CLSPN: variants seen among roughly 807,000 people sequenced by gnomAD.
CLSPN encodes claspin.
In CLSPN, 85 loss-of-function variants were observed where a neutral mutation model predicts 156.3. That is an observed-to-expected ratio of 0.54 (90% CI 0.46 to 0.65). The LOEUF is 0.65. Ranked by LOEUF, CLSPN falls within the 30% of genes least tolerant of loss-of-function variation. The pLI is 0.00. For missense variants in CLSPN, 1,407 were observed against 1,554.9 expected (o/e 0.90, Z 1.60); for synonymous variants, 534 against 542.4 (o/e 0.98, Z 0.22).
intron 8 of CLSPN, among the ~76,000 whole-genome samples, chr1:35,758,179 T>C (rs796582661): frequency 2.0e-5 from 3 of 152,094 alleles, no homozygotes; most frequent in African/African-American, 7.2e-5. Context: ...TTGTGTTTTT[T>C]TTTTTTTTAT....
intron 9 of CLSPN, among the ~76,000 whole-genome samples, chr1:35,751,872 C>T (rs538798819): frequency 2.2e-4 from 34 of 152,090 alleles, no homozygotes; most frequent in Non-Finnish European, 4.6e-4. Context: ...TATGAACTGG[C>T]AGTTCACGAA....
At chr1:35,723,561 A>C (rs1232136227) in intron 24 of CLSPN, among the ~76,000 whole-genome samples, 1 of 152,242 alleles carries the variant, frequency 6.6e-6, no homozygotes, top group African/African-American at 2.4e-5. Context: ...TCAGCTTCAA[A>C]GACCTTGTCC....
At position 35,761,100 on chromosome 1, in the gene CLSPN, A is replaced by G. The variant is rs1243562834; in HGVS notation, c.1000T>C (p.Leu334=). 2.5e-6 allele frequency: 4 copies of G among 1,597,966 alleles called. No homozygotes were observed. The highest frequency in any genetic ancestry group is 1.7e-4 in the Middle Eastern group (1 of 6,036). Residue 334 remains leucine, a synonymous_variant, in exon 7 of 25, where the codon TTG becomes CTG. Transcript: ENST00000318121. The part of the protein sequence containing the change: ...PTCHGNAMAL[L]KSSKYQSSHH... ...ATAAGGAAAGAGGGTTCTTACTTCA[A>G]TAGTGCCATGGCATTTCCGTGGCAA...
intron 8 of CLSPN, among the ~76,000 whole-genome samples, chr1:35,756,085 G>A (rs1642263746): frequency 6.6e-6 from 1 of 152,008 alleles, no homozygotes; most frequent in Admixed American, 6.6e-5. Flanking sequence ...GGTCTTACTA[G>A]AAAAAGAGAA....
chr1:35,726,492 C>T (rs1224925294), intron 24 of CLSPN, among the ~76,000 whole-genome samples: 2 of 152,102 alleles, frequency 1.3e-5, no homozygotes, highest in African/African-American at 4.8e-5. Context: ...GGTGGGGGTG[C>T]GGTTTCAAGA....
At position 35,765,264 on chromosome 1, in the gene CLSPN, A is replaced by C; in HGVS notation, c.87T>G (p.Asp29Glu). ...ISQEEADSPSDSGQGSYETIG... is the reference protein window; with the variant it reads ...ISQEEADSPSESGQGSYETIG... ...TTGTTTCATAGCTGCCCTGTCCACT[A>C]TCTGAAGGACTATCTGCTTCCTCTT... Residue 29 changes from aspartate (D) to glutamate (E), a missense_variant, in exon 2 of 25, where the codon GAT becomes GAG. This residue lies in a region of CLSPN where 1,096 missense variants were observed against 1,193.0 expected (regional missense o/e 0.92). Coordinates refer to ENST00000318121, the MANE Select transcript of CLSPN (RefSeq NM_022111.4). The C allele has an allele frequency of 4.3e-6, 7 of 1,614,000 alleles. No individual in the cohort carries two copies. Among genetic ancestry groups the C allele is most frequent in the Non-Finnish European group, 5.9e-6 (7 of 1,179,950 alleles).
chr1:35,750,263 C>T (rs1044573901), intron 10 of CLSPN, among the ~76,000 whole-genome samples: 1 of 151,776 alleles, frequency 6.6e-6, no homozygotes, highest in African/African-American at 2.4e-5. Flanking sequence ...GAGGCCACAA[C>T]GATGGGAGGA....
rs1641512114 is a variant in CLSPN at position 35,737,350 on chromosome 1, T to G, written c.3736A>C (p.Ser1246Arg). ...RNPFEAIRPG[S>R]AQQVKTGSLL... ...GGTTCCCAACCAACCTGTTGAGCACTTCCTGGTCTGATGGCTTCAAAAGGA... is the reference window on the plus strand; with the variant it reads ...GGTTCCCAACCAACCTGTTGAGCACGTCCTGGTCTGATGGCTTCAAAAGGA... Residue 1246 changes from serine (S) to arginine (R), a missense_variant, in exon 23 of 25, where the codon AGT (serine) becomes CGT (arginine). By Grantham distance (110) the Ser-to-Arg change is moderately radical (BLOSUM62 -1). Coordinates refer to ENST00000318121, the MANE Select transcript of CLSPN (RefSeq NM_022111.4). The G allele has an allele frequency of 6.2e-7, 1 of 1,613,860 alleles. No homozygotes were observed. The highest frequency in any genetic ancestry group is 8.5e-7 in the Non-Finnish European group (1 of 1,179,826).
rs1571188193 is a variant in CLSPN, at chr1:35,733,683, T to C, written c.*2813A>G. The C allele has an allele frequency of 1.0e-6, 1 of 985,376 alleles. No individual in the cohort carries two copies. The highest frequency in any genetic ancestry group is 1.2e-6 in the Non-Finnish European group (1 of 829,918). The allele number at this position is 985,376 out of a possible 1,614,324, so 61.0% of individuals were successfully genotyped here. ...AAACTTAGCTAAAGAGAAAGGCCAA[T>C]CAAAGCTGTAACAGGCTGGGCATGG... On this transcript the variant is annotated 3_prime_UTR_variant, in exon 25 of 25. Coordinates refer to ENST00000318121, the MANE Select transcript of CLSPN (RefSeq NM_022111.4).
chr1:35,764,946 T>C (rs1206319820), intron 2 of CLSPN, among the ~76,000 whole-genome samples: 1 of 152,224 alleles, frequency 6.6e-6, no homozygotes, highest in East Asian at 1.9e-4. Context: ...TTACAATGTG[T>C]AAAGTTGTTC....
chr1:35,768,558 AC>A (rs1642753262), intron 1 of CLSPN, among the ~76,000 whole-genome samples: 1 of 150,774 alleles, frequency 6.6e-6, no homozygotes, highest in Non-Finnish European at 1.5e-5. Context: ...AGTAGCTGGG[AC>A]CACAGGCGAC....
chr1:35,756,325 G>A (rs1642269915), intron 8 of CLSPN, among the ~76,000 whole-genome samples: 1 of 152,162 alleles, frequency 6.6e-6, no homozygotes, highest in Non-Finnish European at 1.5e-5. Flanking sequence ...AGAAATGGTT[G>A]GGTGGGAAGA....
intron 24 of CLSPN, among the ~76,000 whole-genome samples, chr1:35,722,342 C>T (rs1213808556): frequency 1.3e-5 from 2 of 149,460 alleles, no homozygotes; most frequent in Middle Eastern, 6.8e-3. Context: ...ACAACCTCCA[C>T]GTCCTGGGTT....
rs1641367582 is a variant in CLSPN at position 35,733,374 on chromosome 1, C to T, written c.*3122G>A. The T allele has an allele frequency of 8.6e-6, 4 of 464,194 alleles. No individual in the cohort carries two copies. Among genetic ancestry groups the T allele is most frequent in the Admixed American group, 7.7e-5 (1 of 13,012 alleles). The allele number at this position is 464,194 out of a possible 1,614,324, so 28.8% of individuals were successfully genotyped here. A position where few individuals can be genotyped will look rare whatever the true frequency, so the allele number is the denominator to read the frequency against. On this transcript the variant is annotated 3_prime_UTR_variant, in exon 25 of 25. Coordinates refer to ENST00000318121, the MANE Select transcript of CLSPN (RefSeq NM_022111.4). ...TTCACCATGTTTCCCAGGCTGGTCT[C>T]GAACTCCTGAGTTCAAGCAATGCAC...
chr1:35,765,816 C>A (rs1021660422), intron 1 of CLSPN, among the ~76,000 whole-genome samples: 1 of 152,040 alleles, frequency 6.6e-6, no homozygotes, highest in African/African-American at 2.4e-5. Context: ...CCAATACTAG[C>A]CATAAAGTAT....
rs760119678 is a variant in CLSPN at position 35,738,112 on chromosome 1, AAATATAT to A, written c.3559-22_3559-16del. 4.6e-3 allele frequency: 2,202 copies of A among 478,566 alleles called. 54 individuals carry two copies. The African/African-American group carries it at 0.077, about 17-fold the overall frequency. 29.6% of individuals were successfully genotyped at this position (478,566 alleles called of 1,614,324 possible). On this transcript the variant is annotated splice_polypyrimidine_tract_variant and intron_variant, in intron 21 of 24. Coordinates refer to ENST00000318121, the MANE Select transcript of CLSPN (RefSeq NM_022111.4). ...CCCTGCTGTGCCTGAAAAAAAAAAA[AAATATAT>A]ATATATATATATATATATATACAGC... is the stretch of plus-strand genomic sequence containing the variant.
Position 35,765,313 on chromosome 1 carries a change from A to G in CLSPN, c.38T>C (p.Ile13Thr). Residue 13 changes from isoleucine to threonine, a missense_variant, in exon 2 of 25, where the codon ATC (isoleucine) becomes ACC (threonine). Around this residue, in one of 3 missense-constraint regions of CLSPN, gnomAD observed 1,096 missense variants for 1,193.0 expected, o/e 0.92. Transcript: ENST00000318121. ...GEVGSEVHLEINDPNVISQEE... is the reference protein window; with the variant it reads ...GEVGSEVHLETNDPNVISQEE... The stretch of plus-strand genomic sequence containing the variant: ...TTGTGAAATGACGTTTGGGTCATTG[A>G]TTTCTAGGTGAACCTAGAAAATGAC... 6.2e-7 allele frequency: 1 copy of G among 1,611,826 alleles called. No individual in the cohort carries two copies. Among genetic ancestry groups the G allele is most frequent in the Non-Finnish European group, 8.5e-7 (1 of 1,178,212 alleles).
At position 35,736,221 on chromosome 1, in the gene CLSPN, A is replaced by G; in HGVS notation, c.*275T>C. The G allele has an allele frequency of 1.1e-6, 1 of 925,434 alleles. No homozygotes were observed. Among genetic ancestry groups the G allele is most frequent in the Non-Finnish European group, 1.3e-6 (1 of 766,492 alleles). The allele number at this position is 925,434 out of a possible 1,614,324, so 57.3% of individuals were successfully genotyped here. On this transcript the variant is annotated 3_prime_UTR_variant, in exon 25 of 25. Coordinates refer to ENST00000318121, the MANE Select transcript of CLSPN (RefSeq NM_022111.4). ...CAACAGAGTGAGACTCCCATCTTAAAAAAAAAAAAAAAAAGGAAACCTCAC... is the reference window on the plus strand; with the variant it reads ...CAACAGAGTGAGACTCCCATCTTAAGAAAAAAAAAAAAAAGGAAACCTCAC...
At chr1:35,755,785 T>C (rs1642254222) in intron 8 of CLSPN, among the ~76,000 whole-genome samples, 1 of 152,144 alleles carries the variant, frequency 6.6e-6, no homozygotes. Flanking sequence ...CACAGCTCAC[T>C]GCAACCTTGA....
Sources: gnomAD v4.1 joint callset for allele counts (sites outside exome capture counted in the v4.1 genomes callset) on GRCh38, gnomAD v4.1.1 for gene constraint, gnomAD v4.1.1 regional missense constraint, MANE v1.5 for transcripts, NCBI Gene and HGNC (gene_info 2026-07-23, HGNC 2026-07-21) for gene names.